MDFIC: variants seen among roughly 807,000 people sequenced by gnomAD.
MDFIC encodes myoD family inhibitor domain-containing protein.
A neutral mutation model predicts 23.2 loss-of-function variants in MDFIC; 17 were observed. The observed-to-expected ratio is 0.73, with a 90% CI of 0.50 to 1.10. The LOEUF (loss-of-function observed/expected upper bound fraction) is 1.10. Ranked by LOEUF, MDFIC falls within the 50% of genes least tolerant of loss-of-function variation. The probability of loss-of-function intolerance (pLI) is 0.00; values close to 1 mark genes in which losing one functional copy is unlikely to be tolerated. For missense variants in MDFIC, 356 were observed against 316.6 expected (o/e 1.12, Z -0.95); for synonymous variants, 120 against 115.2 (o/e 1.04, Z -0.27).
At chr7:114,995,654 A>G (rs376213211) in intron 4 of MDFIC, among the ~76,000 whole-genome samples, 1 of 152,326 alleles carries the variant, frequency 6.6e-6, no homozygotes, top group South Asian at 2.1e-4. Flanking sequence ...AGGCTGCAGA[A>G]CAGCAAATAT....
At position 115,019,791 on chromosome 7, in the gene MDFIC, A is replaced by G. The variant is rs1791864816; in HGVS notation, c.*3856A>G. ...ATCATTTTTGTTTTAAACAATGGTT[A>G]ATATATTAATAGGGTTTGTTCCACA... On this transcript the variant is annotated 3_prime_UTR_variant, in exon 5 of 5. Transcript: ENST00000393486. 6.6e-6 allele frequency among the ~76,000 whole-genome samples: 1 copy of G among 152,136 alleles called. No homozygotes were observed. Among genetic ancestry groups the G allele is most frequent in the Non-Finnish European group, 1.5e-5 (1 of 68,012 alleles).
At chr7:115,014,560 A>G (rs1329936897) in intron 4 of MDFIC, 5 of 1,267,752 alleles carry the variant, frequency 3.9e-6, no homozygotes, top group Non-Finnish European at 5.1e-6. Context: ...GTTGTGTCTT[A>G]TCGCTATTGT....
intron 4 of MDFIC, among the ~76,000 whole-genome samples, chr7:114,987,685 G>A (rs1793537483): frequency 6.6e-6 from 1 of 152,128 alleles, no homozygotes; most frequent in Non-Finnish European, 1.5e-5. Context: ...ATACAATGAG[G>A]AGTGTGTGTA....
At chr7:114,955,188 A>G (rs1563141495) in intron 3 of MDFIC, among the ~76,000 whole-genome samples, 1 of 152,240 alleles carries the variant, frequency 6.6e-6, no homozygotes. Context: ...AGCAATCAGC[A>G]TAATTCCAGG....
chr7:115,001,159 C>A (rs1791460147), intron 4 of MDFIC, among the ~76,000 whole-genome samples: 1 of 152,060 alleles, frequency 6.6e-6, no homozygotes, highest in Admixed American at 6.6e-5. Context: ...AATCATTCTG[C>A]CCATTTTGAA....
intron 3 of MDFIC, among the ~76,000 whole-genome samples, chr7:114,966,980 A>T (rs189706165): frequency 9.9e-4 from 151 of 151,774 alleles, no homozygotes; most frequent in Middle Eastern, 3.4e-3. Flanking sequence ...ATTTTTTTTT[A>T]AAAAAATATA....
In MDFIC at chr7:114,934,188, T is replaced by C. The variant is rs115998199; in HGVS notation, c.95-8087T>C. On this transcript the variant is annotated intron_variant, in intron 2 of 4. Transcript: ENST00000393486. Reference sequence around the variant, plus strand: ...AACTGTATGTGAGAAGGAAGGAGTTTGCTGTGCCTCAAGGTCAATCATCCT... The same window carrying C: ...AACTGTATGTGAGAAGGAAGGAGTTCGCTGTGCCTCAAGGTCAATCATCCT... Among the ~76,000 whole-genome samples the C allele has an allele frequency of 3.0e-3, 450 of 152,294 alleles. 2 individuals are homozygous for C. Among genetic ancestry groups the C allele is most frequent in the African/African-American group, 0.01 (433 of 41,564 alleles).
At chr7:114,944,148 T>G (rs568637126) in intron 3 of MDFIC, among the ~76,000 whole-genome samples, 1 of 152,196 alleles carries the variant, frequency 6.6e-6, no homozygotes, top group Non-Finnish European at 1.5e-5. Flanking sequence ...GATAATGACG[T>G]ACCCTGTGCC....
At chr7:114,955,940 G>A (rs1380488054) in intron 3 of MDFIC, among the ~76,000 whole-genome samples, 1 of 152,080 alleles carries the variant, frequency 6.6e-6, no homozygotes, top group Non-Finnish European at 1.5e-5. Context: ...CTATAAGACT[G>A]AGCTCAGAAA....
In MDFIC at chr7:114,942,167, T is replaced by A. The variant is rs1325695295; in HGVS notation, c.95-108T>A. Reference sequence around the variant, plus strand: ...GGCAATAGAGGTATACCTGTTCTATTTCCTTAAATTATGGCAGACTTGGAA... The same window carrying A: ...GGCAATAGAGGTATACCTGTTCTATATCCTTAAATTATGGCAGACTTGGAA... On this transcript the variant is annotated intron_variant, in intron 2 of 4. Coordinates refer to ENST00000393486, the MANE Select transcript of MDFIC (RefSeq NM_001166345.3). 4.7e-5 allele frequency: 32 copies of A among 680,748 alleles called. No individual in the cohort carries two copies. The East Asian group carries it at 1.1e-3, about 24-fold the overall frequency. The allele number at this position is 680,748 out of a possible 1,614,324, so 42.2% of individuals were successfully genotyped here.
chr7:114,990,398 C>T (rs1034765222), intron 4 of MDFIC, among the ~76,000 whole-genome samples: 3 of 151,726 alleles, frequency 2.0e-5, no homozygotes, highest in Admixed American at 6.6e-5. Context: ...ATGTGCACAA[C>T]GTGCAGGTTT....
At chr7:114,956,376 C>T (rs1563141820) in intron 3 of MDFIC, among the ~76,000 whole-genome samples, 2 of 151,734 alleles carry the variant, frequency 1.3e-5, no homozygotes, top group African/African-American at 4.8e-5. Flanking sequence ...TATATACACA[C>T]ACACATATAT....
chr7:114,923,203 G>A (rs1318968659), intron 2 of MDFIC, 76 bp downstream of exon 2: 1 of 1,504,818 alleles, frequency 6.6e-7, no homozygotes, highest in East Asian at 2.5e-5. Context: ...TGCACAGATA[G>A]GGGTGGGGGG....
intron 4 of MDFIC, among the ~76,000 whole-genome samples, chr7:115,006,798 T>C (rs1209859626): frequency 6.6e-6 from 1 of 152,180 alleles, no homozygotes; most frequent in Non-Finnish European, 1.5e-5. Flanking sequence ...TCTGGGAAAA[T>C]GTGTTTAAGA....
At chr7:114,935,704 T>C (rs1792411777) in intron 2 of MDFIC, among the ~76,000 whole-genome samples, 1 of 151,922 alleles carries the variant, frequency 6.6e-6, no homozygotes, top group African/African-American at 2.4e-5. Flanking sequence ...GGCTGTGGGG[T>C]CAAACACAGT....
intron 3 of MDFIC, among the ~76,000 whole-genome samples, chr7:114,948,505 C>T (rs200721776): frequency 3.3e-4 from 50 of 152,118 alleles, no homozygotes; most frequent in Middle Eastern, 6.8e-3. Context: ...AAATTCGAGA[C>T]GACCTTACTT....
chr7:114,979,354 TG>T (rs1458751439), intron 3 of MDFIC, 151 bp from the exon 4 acceptor site: 1 of 748,010 alleles, frequency 1.3e-6, no homozygotes, highest in Non-Finnish European at 2.0e-6. Context: ...TCTATGTCTA[TG>T]TTAGTATTTT....
intron 3 of MDFIC, among the ~76,000 whole-genome samples, chr7:114,975,445 A>G (rs1434383047): frequency 2.6e-5 from 4 of 152,126 alleles, no homozygotes; most frequent in Admixed American, 2.6e-4. Flanking sequence ...ACATATGTAA[A>G]GATTTGAAAA....
At chr7:114,938,614 C>A (rs1050831617) in intron 2 of MDFIC, among the ~76,000 whole-genome samples, 1 of 152,032 alleles carries the variant, frequency 6.6e-6, no homozygotes, top group Non-Finnish European at 1.5e-5. Context: ...AAGTAGAGGA[C>A]CATTGGCTTA....
Sources: gnomAD v4.1 joint callset for allele counts (sites outside exome capture counted in the v4.1 genomes callset) on GRCh38, gnomAD v4.1.1 for gene constraint, MANE v1.5 for transcripts, NCBI Gene and HGNC (gene_info 2026-07-23, HGNC 2026-07-21) for gene names.